The following ANGPT1 variants were observed in gnomAD, a reference collection of about 807,000 sequenced individuals.
ANGPT1 encodes angiopoietin 1.
A neutral mutation model predicts 62.2 loss-of-function variants in ANGPT1; 17 were observed. The observed-to-expected ratio is 0.27, with a 90% CI of 0.19 to 0.41. The LOEUF is 0.41. ANGPT1 is among the 10% of genes least tolerant of loss of function. The pLI, the probability that ANGPT1 is intolerant of heterozygous loss-of-function variation, is 1.00. For synonymous variants in ANGPT1, 199 were observed against 198.9 expected (o/e 1.00, Z 0.00); for missense variants, 478 against 594.9 (o/e 0.80, Z 2.04).
intron 8 of ANGPT1, among the ~76,000 whole-genome samples, chr8:107,252,595 C>A (rs990644800): frequency 5.3e-5 from 8 of 152,134 alleles, no homozygotes; most frequent in African/African-American, 1.2e-4. Flanking sequence ...TTAACGTACC[C>A]TCTCTGTAGT....
intron 7 of ANGPT1, 172 bp downstream of exon 7, chr8:107,284,510 T>C: frequency 2.0e-6 from 1 of 495,638 alleles, no homozygotes; most frequent in Non-Finnish European, 3.1e-6. Flanking sequence ...ATTTAAATCT[T>C]TGAAAAAGTC....
At chr8:107,422,469 T>TA (rs1355105351) in intron 1 of ANGPT1, among the ~76,000 whole-genome samples, 1 of 152,118 alleles carries the variant, frequency 6.6e-6, no homozygotes, top group Non-Finnish European at 1.5e-5. Context: ...AAAGAATAAA[T>TA]ACATTTCTGG....
chr8:107,433,219 T>C (rs1434613462), intron 1 of ANGPT1, among the ~76,000 whole-genome samples: 1 of 152,192 alleles, frequency 6.6e-6, no homozygotes, highest in Non-Finnish European at 1.5e-5. Context: ...AATTGATACC[T>C]GGGGGTAGAG....
chr8:107,377,381 C>A (rs777407716), intron 1 of ANGPT1, among the ~76,000 whole-genome samples: 1 of 152,146 alleles, frequency 6.6e-6, no homozygotes, highest in Non-Finnish European at 1.5e-5. Context: ...GAAACGTACA[C>A]ACTCCAAGTC....
chr8:107,274,963 C>T (rs773052078), intron 7 of ANGPT1, among the ~76,000 whole-genome samples: 5 of 151,996 alleles, frequency 3.3e-5, no homozygotes, highest in Admixed American at 6.6e-5. Context: ...ATGCCCAGAG[C>T]ACAGTGGGAG....
rs563972706 is a variant in ANGPT1, at chr8:107,316,645, T to C, written c.808+5251A>G. Among the ~76,000 whole-genome samples the C allele has an allele frequency of 7.2e-5, 11 of 152,286 alleles. No individual in the cohort carries two copies. In the South Asian group the frequency reaches 2.3e-3, roughly 32 times the overall value. ...AACACAAATATCACCATTATCATCA[T>C]ATATTGACAATGACTGCTCATTGAT... On this transcript the variant is annotated intron_variant, in intron 4 of 8. Coordinates refer to ENST00000517746, the MANE Select transcript of ANGPT1 (RefSeq NM_001146.5).
chr8:107,399,827 T>G (rs1817008876), intron 1 of ANGPT1, among the ~76,000 whole-genome samples: 1 of 152,170 alleles, frequency 6.6e-6, no homozygotes, highest in Non-Finnish European at 1.5e-5. Context: ...CCAATCTCAC[T>G]GAACTGAAGG....
At chr8:107,272,208 G>T (rs763604218) in intron 7 of ANGPT1, among the ~76,000 whole-genome samples, 3 of 152,022 alleles carry the variant, frequency 2.0e-5, no homozygotes, top group Non-Finnish European at 4.4e-5. Context: ...GAAAAAATAT[G>T]AAAAATGTTT....
chr8:107,307,989 A>AATTTTTTTCTAAT (rs1250791783), intron 4 of ANGPT1, among the ~76,000 whole-genome samples: 2 of 152,136 alleles, frequency 1.3e-5, no homozygotes, highest in Non-Finnish European at 2.9e-5. Context: ...AAAATTAATT[A>AATTTTTTTCTAAT]AAGTGTTAAT....
intron 1 of ANGPT1, among the ~76,000 whole-genome samples, chr8:107,480,012 A>C (rs1433171): frequency 0.053 from 8,008 of 152,234 alleles, 244 homozygotes; most frequent in South Asian, 0.11. Context: ...GCCTAAAAAC[A>C]AACCTTATGA....
intron 6 of ANGPT1, among the ~76,000 whole-genome samples, chr8:107,288,460 T>C (rs1814196620): frequency 6.6e-6 from 1 of 152,082 alleles, no homozygotes; most frequent in African/African-American, 2.4e-5. Flanking sequence ...TTTGTAATAA[T>C]TGCTTTCAAC....
intron 1 of ANGPT1, among the ~76,000 whole-genome samples, chr8:107,441,035 A>C (rs528655372): frequency 6.7e-6 from 1 of 150,348 alleles, no homozygotes; most frequent in South Asian, 2.1e-4. Context: ...TATTTAGAAA[A>C]TCACTCAATC....
chr8:107,320,291 T>C (rs2130056349), intron 4 of ANGPT1, among the ~76,000 whole-genome samples: 1 of 152,254 alleles, frequency 6.6e-6, no homozygotes, highest in Middle Eastern at 3.4e-3. Context: ...ACACATTTAT[T>C]AGGCAAATAC....
chr8:107,466,496 C>T (rs1812201265), intron 1 of ANGPT1, among the ~76,000 whole-genome samples: 1 of 152,050 alleles, frequency 6.6e-6, no homozygotes. Flanking sequence ...ACTTCACAGG[C>T]CTGGCCTACT....
chr8:107,381,741 T>C (rs1210929924), intron 1 of ANGPT1, among the ~76,000 whole-genome samples: 1 of 152,178 alleles, frequency 6.6e-6, no homozygotes, highest in Non-Finnish European at 1.5e-5. Flanking sequence ...AGGATCGTTA[T>C]GACAACTGTA....
In ANGPT1 at chr8:107,371,408, T is replaced by C. The variant is rs114966110; in HGVS notation, c.298-24311A>G. ...GTCCTCAGCTATTTTGAAAATCACATCTCATTGGAAGTTGAACCAGAAAAA... is the reference window on the plus strand; with the variant it reads ...GTCCTCAGCTATTTTGAAAATCACACCTCATTGGAAGTTGAACCAGAAAAA... On this transcript the variant is annotated intron_variant, in intron 1 of 8. Transcript: ENST00000517746. Among the ~76,000 whole-genome samples the C allele has an allele frequency of 3.7e-3, 567 of 152,186 alleles. 5 individuals are homozygous for C. Among genetic ancestry groups the C allele is most frequent in the African/African-American group, 0.013 (546 of 41,498 alleles).
At chr8:107,374,031 CT>C (rs923255169) in intron 1 of ANGPT1, among the ~76,000 whole-genome samples, 1 of 152,182 alleles carries the variant, frequency 6.6e-6, no homozygotes, top group African/African-American at 2.4e-5. Context: ...CAATTTGCTG[CT>C]CTAAGAATAT....
chr8:107,436,477 C>T (rs1253901445), intron 1 of ANGPT1, among the ~76,000 whole-genome samples: 2 of 152,296 alleles, frequency 1.3e-5, no homozygotes, highest in African/African-American at 2.4e-5. Flanking sequence ...CTGGGTCTCA[C>T]GTTATTCAAG....
In ANGPT1 at chr8:107,336,170, CA is replaced by C. The variant is rs1815553938; in HGVS notation, c.554del (p.Leu185Ter). ...CTCACCTGTTTTTTTCATGGATCTT[CA>C]AGATTTCATTTGTCTGTTGAAGAAG... ...KQLLQQTNEI[L>X]KIHEKNSLLE... On this transcript the variant is annotated frameshift_variant, in exon 3 of 9. Coordinates refer to ENST00000517746, the MANE Select transcript of ANGPT1 (RefSeq NM_001146.5). LOFTEE classifies it high-confidence loss of function. The C allele has an allele frequency of 1.2e-6, 2 of 1,603,642 alleles. No homozygotes were observed. The highest frequency in any genetic ancestry group is 2.3e-5 in the South Asian group (2 of 88,732).
Sources: allele counts gnomAD v4.1 joint callset (sites outside exome capture counted in the v4.1 genomes callset), GRCh38; gene constraint gnomAD v4.1.1; transcripts MANE v1.5; gene names NCBI Gene and HGNC (gene_info 2026-07-23, HGNC 2026-07-21).